TSPAN5: variants seen among roughly 807,000 people sequenced by gnomAD.
TSPAN5 encodes tetraspanin 5, also known as tetraspanin-5.
In TSPAN5, 10 loss-of-function variants were observed where a neutral mutation model predicts 37.1. That is an observed-to-expected ratio of 0.27 (90% CI 0.17 to 0.46). The LOEUF is 0.46. Among genes scored for constraint, TSPAN5 ranks in the 20% least tolerant of loss-of-function variants. The pLI is 1.00. For missense variants in TSPAN5, 195 were observed against 326.6 expected, an observed-to-expected ratio of 0.60 and a Z score of 3.11; for synonymous variants, 110 against 118.9, an observed-to-expected ratio of 0.93 and a Z score of 0.48.
intron 1 of TSPAN5, among the ~76,000 whole-genome samples, chr4:98,612,921 C>T (rs1337217010): frequency 1.3e-5 from 2 of 152,334 alleles, no homozygotes; most frequent in African/African-American, 2.4e-5. Flanking sequence ...ATTCTTTCTG[C>T]CAGTCTCTTA....
At chr4:98,571,715 C>T (rs1034957192) in intron 1 of TSPAN5, among the ~76,000 whole-genome samples, 1 of 152,134 alleles carries the variant, frequency 6.6e-6, no homozygotes, top group Admixed American at 6.5e-5. Flanking sequence ...CTCCTCTCAG[C>T]TGTGTGTATG....
At chr4:98,561,724 T>C (rs1754886786) in intron 1 of TSPAN5, among the ~76,000 whole-genome samples, 1 of 152,212 alleles carries the variant, frequency 6.6e-6, no homozygotes, top group Non-Finnish European at 1.5e-5. Flanking sequence ...GTGCTTTTCA[T>C]TCAATAAACA....
At chr4:98,627,424 C>T (rs1259912342) in intron 1 of TSPAN5, among the ~76,000 whole-genome samples, 2 of 151,178 alleles carry the variant, frequency 1.3e-5, no homozygotes, top group African/African-American at 4.9e-5. Flanking sequence ...AAAAAAAAAA[C>T]ACAAAAGGAA....
Position 98,497,780 on chromosome 4 carries a change from C to G in TSPAN5, c.132+9898G>C, listed in dbSNP as rs116291287. 7.1e-3 allele frequency among the ~76,000 whole-genome samples: 1,080 copies of G among 152,242 alleles called. 16 individuals are homozygous for G. Among genetic ancestry groups the G allele is most frequent in the African/African-American group, 0.024 (1,008 of 41,558 alleles). On this transcript the variant is annotated intron_variant, in intron 2 of 7. Transcript: ENST00000305798. ...AGTCTAGAGGGGAGACGGTTAAGAA[C>G]AGAGTGCATGGAGCAGAGGCACAAG...
rs149449613 is a variant in TSPAN5, at chr4:98,571,451, CTT to C, written c.82-63725_82-63724del. 1.3e-3 allele frequency among the ~76,000 whole-genome samples: 174 copies of C among 132,362 alleles called. 1 individual carries two copies. The highest frequency in any genetic ancestry group is 1.6e-3 in the Non-Finnish European group (100 of 61,852). 86.8% of individuals were successfully genotyped at this position (132,362 alleles called of 152,430 possible). On this transcript the variant is annotated intron_variant, in intron 1 of 7. Transcript: ENST00000305798. ...GAAGTTCTCCCACAAACCGTTCTGG[CTT>C]TTTTTTTTTTTTTTCAAATTTACAA...
chr4:98,529,403 G>A (rs1754033938), intron 1 of TSPAN5, among the ~76,000 whole-genome samples: 1 of 152,218 alleles, frequency 6.6e-6, no homozygotes, highest in Non-Finnish European at 1.5e-5. Flanking sequence ...CCCGAAGTGG[G>A]CATTGAGTTT....
At chr4:98,509,555 G>C (rs1753557851) in intron 1 of TSPAN5, among the ~76,000 whole-genome samples, 1 of 152,150 alleles carries the variant, frequency 6.6e-6, no homozygotes, top group Admixed American at 6.5e-5. Context: ...TCATGTCCTT[G>C]ATTTGGCAAG....
chr4:98,476,875 C>T (rs1752714228), intron 5 of TSPAN5, among the ~76,000 whole-genome samples: 1 of 152,170 alleles, frequency 6.6e-6, no homozygotes, highest in Non-Finnish European at 1.5e-5. Flanking sequence ...TATGTACTTC[C>T]ATGTTACTTA....
intron 1 of TSPAN5, among the ~76,000 whole-genome samples, chr4:98,615,220 C>A (rs1756295247): frequency 6.6e-6 from 1 of 152,180 alleles, no homozygotes; most frequent in South Asian, 2.1e-4. Context: ...AGTTTTTGTG[C>A]CTTGGGACCA....
intron 1 of TSPAN5, among the ~76,000 whole-genome samples, chr4:98,652,356 T>C (rs1757209917): frequency 6.6e-6 from 1 of 152,210 alleles, no homozygotes; most frequent in African/African-American, 2.4e-5. Flanking sequence ...TCTACAATAC[T>C]CCAATTTTCA....
At chr4:98,592,428 G>T (rs28651709) in intron 1 of TSPAN5, among the ~76,000 whole-genome samples, 19,771 of 117,970 alleles carry the variant, frequency 0.17, 1,995 homozygotes, top group African/African-American at 0.28. Context: ...TCTGTTTTTT[G>T]TTTTTTTTTT....
intron 1 of TSPAN5, among the ~76,000 whole-genome samples, chr4:98,572,297 G>A (rs1755143312): frequency 6.6e-6 from 1 of 152,166 alleles, no homozygotes; most frequent in Admixed American, 6.5e-5. Flanking sequence ...CGTAAGCATA[G>A]GCACAATGCA....
At chr4:98,655,273 T>C (rs560183738) in intron 1 of TSPAN5, among the ~76,000 whole-genome samples, 14 of 152,322 alleles carry the variant, frequency 9.2e-5, no homozygotes, top group African/African-American at 3.1e-4. Flanking sequence ...TGTCTATAAT[T>C]TATCACGTGT....
chr4:98,498,493 C>G (rs570352286), intron 2 of TSPAN5, among the ~76,000 whole-genome samples: 49 of 152,292 alleles, frequency 3.2e-4, no homozygotes, highest in African/African-American at 1.2e-3. Flanking sequence ...GGAGACAAGA[C>G]CTCCCAACCA....
intron 1 of TSPAN5, among the ~76,000 whole-genome samples, chr4:98,606,305 G>A (rs1756036787): frequency 6.6e-6 from 1 of 152,064 alleles, no homozygotes; most frequent in South Asian, 2.1e-4. Context: ...ATTCTGAAAG[G>A]TTTGCCCTTG....
intron 1 of TSPAN5, among the ~76,000 whole-genome samples, chr4:98,646,106 C>CAA (rs34134836): frequency 1.4e-5 from 2 of 146,274 alleles, no homozygotes; most frequent in South Asian, 2.2e-4. Flanking sequence ...GTACAGGTGG[C>CAA]AAAAAAAAAA....
At chr4:98,515,847 T>A (rs1753716466) in intron 1 of TSPAN5, among the ~76,000 whole-genome samples, 1 of 152,190 alleles carries the variant, frequency 6.6e-6, no homozygotes, top group African/African-American at 2.4e-5. Context: ...ATTTCACATC[T>A]TTTCCATTGC....
At chr4:98,589,164 G>C (rs1251842350) in intron 1 of TSPAN5, among the ~76,000 whole-genome samples, 1 of 152,178 alleles carries the variant, frequency 6.6e-6, no homozygotes, top group Non-Finnish European at 1.5e-5. Flanking sequence ...GTACATGCTG[G>C]AAACAAGTGG....
chr4:98,533,589 C>T (rs1337529788), intron 1 of TSPAN5, among the ~76,000 whole-genome samples: 9 of 72,238 alleles, frequency 1.2e-4, no homozygotes, highest in South Asian at 6.8e-4. Context: ...TTTGCTCTGT[C>T]GCCCAGGCTG....
Sources: allele counts gnomAD v4.1 joint callset (sites outside exome capture counted in the v4.1 genomes callset), GRCh38; gene constraint gnomAD v4.1.1; transcripts MANE v1.5; gene names NCBI Gene and HGNC (gene_info 2026-07-23, HGNC 2026-07-21).